Variants in CTNNA1 observed in about 807,000 individuals in gnomAD.
CTNNA1 encodes the protein catenin alpha 1.
CTNNA1 carries 37 observed loss-of-function variants against 98.4 expected under a neutral mutation model. That is an observed-to-expected ratio of 0.38 (90% CI 0.29 to 0.49). The LOEUF (loss-of-function observed/expected upper bound fraction) is 0.49, where lower values mean the gene tolerates loss of function less well. Ranked by LOEUF, CTNNA1 falls within the 20% of genes least tolerant of loss-of-function variation. CTNNA1 has a pLI of 0.95. For missense variants in CTNNA1, 761 were observed against 1,147.2 expected (o/e 0.66, Z 4.86); for synonymous variants, 404 against 413.2 (o/e 0.98, Z 0.27).
intron 13 of CTNNA1, among the ~76,000 whole-genome samples, chr5:138,928,132 A>G (rs1245797914): frequency 1.3e-5 from 2 of 152,148 alleles, no homozygotes; most frequent in Admixed American, 6.5e-5. Context: ...CCTGGTACAC[A>G]GACGAGAGAC....
At chr5:138,891,781 A>C (rs1302202219) in intron 9 of CTNNA1, among the ~76,000 whole-genome samples, 1 of 152,116 alleles carries the variant, frequency 6.6e-6, no homozygotes, top group Non-Finnish European at 1.5e-5. Flanking sequence ...AAATAACAAC[A>C]ACCACAAAAA....
chr5:138,799,003 T>A (rs959773574), intron 3 of CTNNA1, among the ~76,000 whole-genome samples: 11 of 151,924 alleles, frequency 7.2e-5, no homozygotes, highest in Middle Eastern at 3.4e-3. Flanking sequence ...TTAAAAAAAA[T>A]TTTTTTTGAG....
chr5:138,837,765 G>A (rs1170916219), intron 7 of CTNNA1, among the ~76,000 whole-genome samples: 1 of 151,540 alleles, frequency 6.6e-6, no homozygotes, highest in African/African-American at 2.4e-5. Flanking sequence ...GGGACTAGAG[G>A]TGTGCACCAG....
chr5:138,796,678 G>A (rs1414132670), intron 3 of CTNNA1, among the ~76,000 whole-genome samples: 1 of 152,194 alleles, frequency 6.6e-6, no homozygotes, highest in East Asian at 1.9e-4. Flanking sequence ...GGGAGAGTTG[G>A]AATTCCAAGT....
intron 3 of CTNNA1, among the ~76,000 whole-genome samples, chr5:138,788,934 G>T (rs1320998669): frequency 1.3e-5 from 2 of 152,102 alleles, no homozygotes; most frequent in Non-Finnish European, 2.9e-5. Flanking sequence ...ATAGCTCATG[G>T]GCATTTCTGG....
intron 7 of CTNNA1, among the ~76,000 whole-genome samples, chr5:138,849,423 T>C (rs1390478040): frequency 1.3e-5 from 2 of 152,218 alleles, no homozygotes; most frequent in Admixed American, 6.5e-5. Flanking sequence ...ATAGCCTATG[T>C]ATTTAAAAAA....
chr5:138,903,592 C>T (rs1313244519), intron 9 of CTNNA1, among the ~76,000 whole-genome samples: 2 of 152,188 alleles, frequency 1.3e-5, no homozygotes, highest in Non-Finnish European at 2.9e-5. Context: ...AAGTATGACA[C>T]AACCTGGAAA....
At chr5:138,761,137 G>A (rs999672144) in intron 1 of CTNNA1, among the ~76,000 whole-genome samples, 1 of 152,138 alleles carries the variant, frequency 6.6e-6, no homozygotes, top group Admixed American at 6.5e-5. Flanking sequence ...ATAATATTTT[G>A]TACTCTTATA....
chr5:138,890,765 C>G (rs1039957567), intron 9 of CTNNA1, among the ~76,000 whole-genome samples: 20 of 152,194 alleles, frequency 1.3e-4, no homozygotes, highest in Non-Finnish European at 2.4e-4. Flanking sequence ...GTCCTCTAAT[C>G]ACATGGTTGG....
At chr5:138,771,540 ATT>A (rs113179480) in intron 1 of CTNNA1, among the ~76,000 whole-genome samples, 1 of 149,634 alleles carries the variant, frequency 6.7e-6, no homozygotes, top group Non-Finnish European at 1.5e-5. Flanking sequence ...TGCCCAGCTA[ATT>A]TTTTTTTTCT....
intron 9 of CTNNA1, among the ~76,000 whole-genome samples, chr5:138,903,505 G>A (rs568015401): frequency 3.9e-4 from 60 of 152,310 alleles, no homozygotes; most frequent in African/African-American, 1.4e-3. Flanking sequence ...TGGCAAGCCT[G>A]TTCATTTAGA....
intron 7 of CTNNA1, among the ~76,000 whole-genome samples, chr5:138,867,926 G>A (rs1467832724): frequency 6.6e-6 from 1 of 151,536 alleles, no homozygotes; most frequent in African/African-American, 2.4e-5. Flanking sequence ...TAATTTTTGT[G>A]TTTTTAGTAG....
intron 3 of CTNNA1, among the ~76,000 whole-genome samples, chr5:138,798,180 A>G (rs825751): frequency 0.69 from 105,482 of 152,066 alleles, 36,723 homozygotes; most frequent in East Asian, 0.93. Flanking sequence ...AGATGGAAAA[A>G]TAGAAGGGGG....
chr5:138,928,086 C>G (rs1403697409), intron 13 of CTNNA1, among the ~76,000 whole-genome samples: 1 of 152,176 alleles, frequency 6.6e-6, no homozygotes, highest in African/African-American at 2.4e-5. Context: ...TTGTTTGAAC[C>G]TCACTGCAAG....
Position 138,810,112 on chromosome 5 carries a change from C to T in CTNNA1, c.376C>T (p.Arg126Trp), listed in dbSNP as rs1581105656. The stretch of plus-strand genomic sequence containing the variant: ...TTCTGTGAAGCGAGGCAACATGGTT[C>T]GGGCAGCTCGAGCTTTGCTCTCTGC... Reference protein sequence around the residue: ...CSSVKRGNMVRAARALLSAVT... With the variant: ...CSSVKRGNMVWAARALLSAVT... The change falls in exon 4 of 18, where the codon CGG (arginine) becomes TGG (tryptophan). Residue 126 changes from arginine to tryptophan, a missense_variant. Physicochemically the swap from Arg to Trp is moderately radical, Grantham distance 101. Coordinates refer to ENST00000302763, the MANE Select transcript of CTNNA1 (RefSeq NM_001903.5). 3 of 1,614,114 alleles carry T rather than the reference C, an allele frequency of 1.9e-6. No individual in the cohort carries two copies. Among genetic ancestry groups the T allele is most frequent in the South Asian group, 1.1e-5 (1 of 91,082 alleles).
At chr5:138,815,028 A>G (rs1759280595) in intron 5 of CTNNA1, among the ~76,000 whole-genome samples, 1 of 152,212 alleles carries the variant, frequency 6.6e-6, no homozygotes, top group African/African-American at 2.4e-5. Context: ...CTGGGATTAC[A>G]GGCATGAGCC....
At chr5:138,777,231 C>A (rs1432987989) in intron 1 of CTNNA1, among the ~76,000 whole-genome samples, 1,542 of 114,456 alleles carry the variant, frequency 0.013, no homozygotes, top group South Asian at 0.022. Context: ...GGCGGCGGGG[C>A]AGAGGCGCTC....
chr5:138,781,336 G>C (rs1043771385), intron 1 of CTNNA1, among the ~76,000 whole-genome samples: 1 of 152,104 alleles, frequency 6.6e-6, no homozygotes, highest in Non-Finnish European at 1.5e-5. Flanking sequence ...GGATCATGAG[G>C]TCAGGAGATC....
intron 7 of CTNNA1, among the ~76,000 whole-genome samples, chr5:138,837,645 G>A (rs561321717): frequency 4.2e-4 from 63 of 150,626 alleles, no homozygotes; most frequent in African/African-American, 1.5e-3. Flanking sequence ...TTTTGAGACA[G>A]GGTCTTATTC....
Sources: gnomAD v4.1 joint callset for allele counts (sites outside exome capture counted in the v4.1 genomes callset) on GRCh38, gnomAD v4.1.1 for gene constraint, MANE v1.5 for transcripts, NCBI Gene and HGNC (gene_info 2026-07-23, HGNC 2026-07-21) for gene names.